ERBB2: variants seen among roughly 807,000 people sequenced by gnomAD.
The protein encoded by ERBB2 is erb-b2 receptor tyrosine kinase 2, also known as receptor tyrosine-protein kinase erbB-2.
ERBB2 carries 61 observed loss-of-function variants against 149.0 expected under a neutral mutation model. That is an observed-to-expected ratio of 0.41 (90% confidence interval 0.33 to 0.51). ERBB2 has a LOEUF of 0.51. ERBB2 is among the 20% of genes least tolerant of loss of function. The pLI, the probability that ERBB2 is intolerant of heterozygous loss-of-function variation, is 0.25. For missense variants in ERBB2, 1,205 were observed against 1,655.1 expected (o/e 0.73, Z 4.72); for synonymous variants, 633 against 678.8 (o/e 0.93, Z 1.05).
chr17:39,710,051 G>A (rs561177355), intron 5 of ERBB2, 35 bp from the exon 6 acceptor site: 37 of 1,560,970 alleles, frequency 2.4e-5, no homozygotes, highest in Admixed American at 1.3e-4. Flanking sequence ...TGCCCAGGGC[G>A]CCACTCAGCC....
At chr17:39,693,036 T>C (rs1169805195), upstream of ERBB2, among the ~76,000 whole-genome samples, 1 of 152,148 alleles carries the variant, frequency 6.6e-6, no homozygotes, top group Non-Finnish European at 1.5e-5. Context: ...CACTCCAGCC[T>C]GGGCAACAGA....
Position 39,723,783 on chromosome 17 carries a change from A to G in ERBB2, c.2208+123A>G, listed in dbSNP as rs2059580530. 2 of 1,503,930 alleles carry G rather than the reference A, an allele frequency of 1.3e-6. No homozygotes were observed. The highest frequency in any genetic ancestry group is 3.9e-5 in the Admixed American group (2 of 51,706). The allele number at this position is 1,503,930 out of a possible 1,614,324, so 93.2% of individuals were successfully genotyped here. On this transcript the variant is annotated intron_variant, in intron 18 of 26. Transcript: ENST00000269571. This position sits in a 1 kb window ranked among gnomAD's most constrained non-coding sequence, Gnocchi z 6.2. ...GCAGTGTTTGGGGGAGGGCAGTTAC[A>G]GCGGAGAAGGGAGCGGGGCCAAGCC...
Position 39,725,589 on chromosome 17 carries a change from C to G in ERBB2, c.2726-118C>G, listed in dbSNP as rs1322936235. 23 of 1,286,552 alleles carry G rather than the reference C, an allele frequency of 1.8e-5. No individual in the cohort carries two copies. The highest frequency in any genetic ancestry group is 2.3e-5 in the Non-Finnish European group (21 of 922,786). 79.7% of individuals were successfully genotyped at this position (1,286,552 alleles called of 1,614,324 possible). A position where few individuals can be genotyped will look rare whatever the true frequency, so the allele number is the denominator to read the frequency against. ...GGAAAGACCGGGTAGGGTCTGTCTC[C>G]TGGCATCACATCTCCCCCTGCTACC... On this transcript the variant is annotated intron_variant, in intron 22 of 26. Transcript: ENST00000269571. The surrounding 1 kb of genome is among the most constrained non-coding windows in gnomAD (Gnocchi z 4.6).
chr17:39,700,088 C>G lies in ERBB2; in HGVS notation c.-151C>G, dbSNP rs2057990709. 3 of 1,276,222 alleles carry G rather than the reference C, an allele frequency of 2.4e-6. No individual in the cohort carries two copies. Among genetic ancestry groups the G allele is most frequent in the Non-Finnish European group, 2.0e-6 (2 of 1,014,978 alleles). The allele number at this position is 1,276,222 out of a possible 1,614,324, so 79.1% of individuals were successfully genotyped here. The stretch of plus-strand genomic sequence containing the variant: ...TCCCCTCCATTGGGACCGGAGAAAC[C>G]AGGGGAGCCCCCCGGGCAGCCGCGC... On this transcript the variant is annotated 5_prime_UTR_variant, in exon 1 of 27. Transcript: ENST00000269571.
At chr17:39,695,704 T>TACACAC (rs56249643), upstream of ERBB2, among the ~76,000 whole-genome samples, 8,275 of 96,564 alleles carry the variant, frequency 0.086, 845 homozygotes, top group Non-Finnish European at 0.093. Context: ...GGTGCATGCA[T>TACACAC]ACACACACAC....
At chr17:39,711,155 C>T (rs951404753) in intron 7 of ERBB2, among the ~76,000 whole-genome samples, 4 of 151,478 alleles carry the variant, frequency 2.6e-5, no homozygotes, top group African/African-American at 7.3e-5. Context: ...CTGCCTCGGC[C>T]TCTGAAAGTG....
At position 39,727,826 on chromosome 17, in the gene ERBB2, G is replaced by A. The variant is rs761715861; in HGVS notation, c.3550G>A (p.Val1184Ile). The A allele has an allele frequency of 5.6e-6, 9 of 1,613,960 alleles. No individual in the cohort carries two copies. Among genetic ancestry groups the A allele is most frequent in the Admixed American group, 3.3e-5 (2 of 59,990 alleles). ...SPGKNGVVKD[V>I]FAFGGAVENP... ...AGGGAAGAATGGGGTCGTCAAAGAC[G>A]TTTTTGCCTTTGGGGGTGCCGTGGA... Residue 1184 changes from valine (V) to isoleucine (I), a missense_variant, in exon 27 of 27, where the codon GTT (valine) becomes ATT (isoleucine). Val to Ile is a conservative substitution (Grantham distance 29). This residue lies in a region of ERBB2 where 312 missense variants were observed against 343.8 expected (regional missense o/e 0.91). Transcript: ENST00000269571. The surrounding 1 kb of genome is among the most constrained non-coding windows in gnomAD (Gnocchi z 4.3).
intron 20 of ERBB2, 45 bp downstream of exon 20, chr17:39,724,956 A>C (rs1374119450): frequency 6.2e-7 from 1 of 1,607,154 alleles, no homozygotes. Flanking sequence ...GCAAACCCCT[A>C]TGTCCACAAG....
In ERBB2 at chr17:39,710,501, A is replaced by G. The variant is rs2145527148; in HGVS notation, c.901+20A>G. ...GTCCCTGTGAGTGCCAGGGAGAAAC[A>G]CAGTTTTCTCATTTTGGTGGGGAGG... is the stretch of plus-strand genomic sequence containing the variant. On this transcript the variant is annotated intron_variant, in intron 7 of 26. Transcript: ENST00000269571. 2 of 1,613,586 alleles carry G rather than the reference A, an allele frequency of 1.2e-6. No individual in the cohort carries two copies. The highest frequency in any genetic ancestry group is 1.7e-6 in the Non-Finnish European group (2 of 1,179,950).
chr17:39,717,609 T>A (rs555062892), intron 15 of ERBB2, 129 bp downstream of exon 15: 31 of 713,294 alleles, frequency 4.3e-5, no homozygotes, highest in Middle Eastern at 4.1e-4. Context: ...AATAACACAT[T>A]GTTAAAATTG....
At chr17:39,690,433 G>A (rs1263621042), upstream of ERBB2, among the ~76,000 whole-genome samples, 1 of 152,140 alleles carries the variant, frequency 6.6e-6, no homozygotes, top group Non-Finnish European at 1.5e-5. Flanking sequence ...AACTAACAAT[G>A]GAAATTTGTT....
rs1465484829 is a variant in ERBB2, at chr17:39,727,341, A to C, written c.3206A>C (p.Glu1069Ala). 1 of 1,612,034 alleles carries C rather than the reference A, an allele frequency of 6.2e-7. No homozygotes were observed. Among genetic ancestry groups the C allele is most frequent in the South Asian group, 1.1e-5 (1 of 90,866 alleles). The change falls in exon 26 of 27, where the codon GAG becomes GCG. Residue 1069 changes from glutamate to alanine, a missense_variant. Glu to Ala is a moderately radical substitution (Grantham distance 107). Around this residue, in one of 6 missense-constraint regions of ERBB2, gnomAD observed 312 missense variants for 343.8 expected, o/e 0.91. Coordinates refer to ENST00000269571, the MANE Select transcript of ERBB2 (RefSeq NM_004448.4). This position sits in a 1 kb window ranked among gnomAD's most constrained non-coding sequence, Gnocchi z 4.3. ...CTAGGGCTGGAGCCCTCTGAAGAGGAGGCCCCCAGGTCTCCACTGGCACCC... is the reference window on the plus strand; with the variant it reads ...CTAGGGCTGGAGCCCTCTGAAGAGGCGGCCCCCAGGTCTCCACTGGCACCC... ...LTLGLEPSEE[E>A]APRSPLAPSE... is the part of the protein sequence containing the mutation.
At position 39,715,723 on chromosome 17, in the gene ERBB2, C is replaced by T. The variant is rs2145649613; in HGVS notation, c.1314-17C>T. Reference sequence around the variant, plus strand: ...CGGGAAGGGGTCCGTGGTAAGGTGCCCACCTTTCTCCCATAGTGGCGCCTA... The same window carrying T: ...CGGGAAGGGGTCCGTGGTAAGGTGCTCACCTTTCTCCCATAGTGGCGCCTA... On this transcript the variant is annotated splice_polypyrimidine_tract_variant and intron_variant, in intron 11 of 26. Coordinates refer to ENST00000269571, the MANE Select transcript of ERBB2 (RefSeq NM_004448.4). 1 of 1,605,146 alleles carries T rather than the reference C, an allele frequency of 6.2e-7. No individual in the cohort carries two copies. Among genetic ancestry groups the T allele is most frequent in the Non-Finnish European group, 8.5e-7 (1 of 1,179,776 alleles).
chr17:39,694,260 T>TATATATATATACAC (rs1567888121), upstream of ERBB2, among the ~76,000 whole-genome samples: 1 of 23,498 alleles, frequency 4.3e-5, no homozygotes, highest in Non-Finnish European at 1.1e-4. Flanking sequence ...TATATATATA[T>TATATATATATACAC]ATATATATGT....
chr17:39,688,152 T>G (rs936187754), exon 1 of ERBB2: 3 of 844,040 alleles, frequency 3.6e-6, no homozygotes, highest in African/African-American at 1.8e-5. Flanking sequence ...TCCCGGATTT[T>G]TGTGGGCGCC....
At chr17:39,696,036 A>G (rs2057856239), upstream of ERBB2, among the ~76,000 whole-genome samples, 1 of 147,554 alleles carries the variant, frequency 6.8e-6, no homozygotes, top group South Asian at 2.1e-4. Context: ...GACCCCTCTC[A>G]CCAGCACCCC....
Position 39,725,955 on chromosome 17 carries a change from A to T in ERBB2, c.2872+102A>T. On this transcript the variant is annotated intron_variant, in intron 23 of 26. Coordinates refer to ENST00000269571, the MANE Select transcript of ERBB2 (RefSeq NM_004448.4). This position sits in a 1 kb window ranked among gnomAD's most constrained non-coding sequence, Gnocchi z 4.6. ...AGGGGACCAGGATGTATGTAGACCC[A>T]GGAGCCCTAGTATGTTAGGAGCCTC... is the stretch of plus-strand genomic sequence containing the variant. 7.9e-7 allele frequency: 1 copy of T among 1,268,242 alleles called. No homozygotes were observed. The highest frequency in any genetic ancestry group is 1.1e-6 in the Non-Finnish European group (1 of 897,072). The allele number at this position is 1,268,242 out of a possible 1,614,324, so 78.6% of individuals were successfully genotyped here.
chr17:39,691,574 T>TATATATATATATATATATACACACACAC (rs1244087250), upstream of ERBB2, among the ~76,000 whole-genome samples: 3 of 122,048 alleles, frequency 2.5e-5, no homozygotes, highest in Non-Finnish European at 3.2e-5. Context: ...TATATATATA[T>TATATATATATATATATATACACACACAC]ACACACACAC....
chr17:39,721,398 C>G (rs1489105104), intron 16 of ERBB2, among the ~76,000 whole-genome samples: 4 of 152,110 alleles, frequency 2.6e-5, no homozygotes, highest in African/African-American at 9.6e-5. Flanking sequence ...TCTCAGCCCC[C>G]CAGTAGCTGG....
Sources: gnomAD v4.1 joint callset for allele counts (sites outside exome capture counted in the v4.1 genomes callset) on GRCh38, gnomAD v4.1.1 for gene constraint, gnomAD v4.1.1 regional missense constraint, Gnocchi (gnomAD v3.1) non-coding constraint, MANE v1.5 for transcripts, NCBI Gene and HGNC (gene_info 2026-07-23, HGNC 2026-07-21) for gene names.